The following TRIM49 variants were observed in gnomAD, a reference collection of about 807,000 sequenced individuals.
The protein encoded by TRIM49 is tripartite motif containing 49.
A neutral mutation model predicts 27.4 loss-of-function variants in TRIM49; 5 were observed. That is an observed-to-expected ratio of 0.18 (90% CI 0.10 to 0.38). The LOEUF is 0.38. Among genes scored for constraint, TRIM49 ranks in the 10% least tolerant of loss-of-function variants. TRIM49 has a pLI of 1.00. For synonymous variants in TRIM49, 69 were observed against 166.0 expected (o/e 0.42, Z 4.49); for missense variants, 188 against 487.5 (o/e 0.39, Z 5.79).
chr11:89,804,001 G>A (rs1345161529), intron 3 of TRIM49, 58 bp downstream of exon 3: 24 of 1,611,348 alleles, frequency 1.5e-5, no homozygotes, highest in Non-Finnish European at 1.9e-5. Flanking sequence ...CAAGAAAATA[G>A]ACCCACAGGA....
chr11:89,774,155 C>G, the TRIM49 span, among the ~76,000 whole-genome samples: 8 of 150,280 alleles, frequency 5.3e-5, no homozygotes, highest in Non-Finnish European at 1.5e-5. Flanking sequence ...TGCCTGCCAC[C>G]GAACTCGGCT....
the TRIM49 span, chr11:89,777,057 C>G: frequency 6.5e-7 from 1 of 1,549,656 alleles, no homozygotes; most frequent in Non-Finnish European, 8.7e-7. Context: ...ATAGACCGGT[C>G]ACCATTGACT....
chr11:89,793,116 C>T (rs1441415411), downstream of TRIM49, among the ~76,000 whole-genome samples: 2 of 152,294 alleles, frequency 1.3e-5, no homozygotes, highest in African/African-American at 2.4e-5. Flanking sequence ...ACTATAAACA[C>T]CTCTATGCAA....
downstream of TRIM49, among the ~76,000 whole-genome samples, chr11:89,793,602 C>T (rs1591510318): frequency 6.6e-6 from 1 of 152,076 alleles, no homozygotes; most frequent in East Asian, 2.0e-4. Flanking sequence ...TAAATGTAAT[C>T]CAGCACATAA....
At chr11:89,787,166 C>G in the TRIM49 span, 3 of 217,340 alleles carry the variant, frequency 1.4e-5, no homozygotes, top group Non-Finnish European at 2.7e-5. Context: ...CAAAAACTGC[C>G]TGCAGAGGGT....
chr11:89,807,736 C>CT (rs1192959042), intron 1 of TRIM49, among the ~76,000 whole-genome samples: 1 of 150,878 alleles, frequency 6.6e-6, no homozygotes, highest in African/African-American at 2.5e-5. Context: ...GTGTATGACT[C>CT]TGTAGCCCAT....
At chr11:89,796,955 TAATA>T (rs1949694374), downstream of TRIM49, among the ~76,000 whole-genome samples, 1 of 150,584 alleles carries the variant, frequency 6.6e-6, no homozygotes, top group Admixed American at 6.6e-5. Flanking sequence ...TAAGAAATGC[TAATA>T]GTCAGTTTCC....
At chr11:89,800,627 C>T (rs1284542107) in intron 6 of TRIM49, among the ~76,000 whole-genome samples, 1 of 149,888 alleles carries the variant, frequency 6.7e-6, no homozygotes. Context: ...CCTGTAGTCC[C>T]GGGTACTCGG....
In TRIM49 at chr11:89,798,548, T is replaced by G. The variant is rs765306692; in HGVS notation, c.941A>C (p.Asp314Ala). ...EILRSMCIGC[D>A]HQDVPYFTAT... Reference sequence around the variant, plus strand: ...AGTGAAATAGGGTACATCTTGATGGTCACATCCAATACACATGCTTCTCAA... The same window carrying G: ...AGTGAAATAGGGTACATCTTGATGGGCACATCCAATACACATGCTTCTCAA... The change falls in exon 8 of 8, where the codon GAC (aspartate) becomes GCC (alanine). Residue 314 changes from aspartate (D) to alanine (A), a missense_variant. Around this residue, in one of 6 missense-constraint regions of TRIM49, gnomAD observed 94 missense variants for 149.6 expected, o/e 0.63. Transcript: ENST00000329758. The G allele has an allele frequency of 6.4e-5, 100 of 1,566,696 alleles. 5 individuals carry two copies. The highest frequency in any genetic ancestry group is 8.1e-5 in the Non-Finnish European group (94 of 1,164,950).
chr11:89,792,162 G>A, the TRIM49 span, among the ~76,000 whole-genome samples: 1 of 152,162 alleles, frequency 6.6e-6, no homozygotes, highest in Admixed American at 6.5e-5. Flanking sequence ...ATTACGTAAT[G>A]CTAAAGGGAT....
the TRIM49 span, among the ~76,000 whole-genome samples, chr11:89,792,648 G>A: frequency 1.3e-5 from 2 of 152,044 alleles, no homozygotes; most frequent in South Asian, 4.1e-4. Flanking sequence ...ATGACTACCG[G>A]GTACATAACG....
chr11:89,777,769 T>G, the TRIM49 span, among the ~76,000 whole-genome samples: 4 of 146,988 alleles, frequency 2.7e-5, no homozygotes, highest in Non-Finnish European at 4.5e-5. Context: ...ACATCCAAAT[T>G]ATTAGAATCA....
chr11:89,808,137 A>G (rs1949801083), intron 1 of TRIM49, among the ~76,000 whole-genome samples: 1 of 145,954 alleles, frequency 6.9e-6, no homozygotes, highest in Admixed American at 6.7e-5. Context: ...CAAATTCACA[A>G]ATACAGAATC....
chr11:89,790,489 A>G, the TRIM49 span, among the ~76,000 whole-genome samples: 3 of 151,964 alleles, frequency 2.0e-5, no homozygotes, highest in African/African-American at 7.3e-5. Context: ...CCTAACCAGG[A>G]GGCACCCCCC....
the TRIM49 span, among the ~76,000 whole-genome samples, chr11:89,790,436 C>G: frequency 6.6e-6 from 1 of 151,282 alleles, no homozygotes; most frequent in East Asian, 1.9e-4. Context: ...AGTTTGAGAT[C>G]TGAGAACGGA....
the TRIM49 span, among the ~76,000 whole-genome samples, chr11:89,772,066 C>T: frequency 1.3e-4 from 17 of 130,316 alleles, 3 homozygotes; most frequent in African/African-American, 6.3e-4. Flanking sequence ...AGACCAACCC[C>T]TCCTCTTTCT....
intron 5 of TRIM49, among the ~76,000 whole-genome samples, 161 bp from the exon 6 acceptor site, chr11:89,801,149 C>T (rs1949733894): frequency 6.7e-6 from 1 of 150,362 alleles, no homozygotes; most frequent in African/African-American, 2.5e-5. Context: ...AAAACCCAGT[C>T]AGTTGTATTG....
downstream of TRIM49, among the ~76,000 whole-genome samples, chr11:89,793,922 C>A (rs1441817912): frequency 6.6e-6 from 1 of 151,312 alleles, no homozygotes; most frequent in South Asian, 2.1e-4. Context: ...AAAGGGTATT[C>A]AATTAGGAAA....
the TRIM49 span, among the ~76,000 whole-genome samples, chr11:89,784,704 T>A: frequency 2.8e-5 from 4 of 143,702 alleles, 1 homozygote; most frequent in Non-Finnish European, 5.9e-5. Flanking sequence ...CCTCATAATG[T>A]AATTACATTA....
Sources: allele counts gnomAD v4.1 joint callset (sites outside exome capture counted in the v4.1 genomes callset), GRCh38; gene constraint gnomAD v4.1.1; regional missense constraint gnomAD v4.1.1; transcripts MANE v1.5; gene names NCBI Gene and HGNC (gene_info 2026-07-23, HGNC 2026-07-21).